Variants in SMYD2 observed in about 807,000 individuals in gnomAD.
The protein encoded by SMYD2 is SET and MYND domain containing 2, also known as N-lysine methyltransferase SMYD2.
A neutral mutation model predicts 59.1 loss-of-function variants in SMYD2; 53 were observed. The observed-to-expected ratio is 0.90, with a 90% CI of 0.72 to 1.13. The LOEUF is 1.13. SMYD2 is among the 50% of genes most tolerant of loss of function. The pLI is 0.00. For synonymous variants in SMYD2, 208 were observed against 198.8 expected, an observed-to-expected ratio of 1.05 and a Z score of -0.39; for missense variants, 494 against 544.7, an observed-to-expected ratio of 0.91 and a Z score of 0.93.
At chr1:214,331,618 G>A (rs1164175099) in intron 9 of SMYD2, 1 of 185,612 alleles carries the variant, frequency 5.4e-6, no homozygotes, top group East Asian at 1.4e-4. Context: ...ACTCTAAAGG[G>A]TAGAATTTAA....
chr1:214,320,497 G>T (rs1657156248), intron 5 of SMYD2, among the ~76,000 whole-genome samples: 1 of 152,184 alleles, frequency 6.6e-6, no homozygotes. Context: ...ACCATGGCGT[G>T]TGTCTGTAGT....
At chr1:214,317,761 A>G (rs1657108894) in intron 3 of SMYD2, among the ~76,000 whole-genome samples, 1 of 152,230 alleles carries the variant, frequency 6.6e-6, no homozygotes, top group South Asian at 2.1e-4. Context: ...GTTTGTCTGT[A>G]GACCCAGTCC....
intron 1 of SMYD2, among the ~76,000 whole-genome samples, chr1:214,283,076 G>C (rs1455892133): frequency 2.0e-5 from 3 of 152,180 alleles, no homozygotes; most frequent in Non-Finnish European, 4.4e-5. Context: ...GTAGTTGCCA[G>C]CCCTGGCCCC....
In SMYD2 at chr1:214,331,974, C is replaced by T. The variant is rs1167596788; in HGVS notation, c.938-44C>T. ...CTTGAACCCAGCCTGGGGAAGCCTC[C>T]AGGCAGCTTGGGCCCGGTGGCCCTT... On this transcript the variant is annotated intron_variant, in intron 9 of 11. Coordinates refer to ENST00000366957, the MANE Select transcript of SMYD2 (RefSeq NM_020197.3). 3.2e-6 allele frequency: 5 copies of T among 1,584,670 alleles called. No homozygotes were observed. The East Asian group carries it at 9.0e-5, about 28-fold the overall frequency.
At chr1:214,315,490 G>A (rs946129716) in intron 3 of SMYD2, among the ~76,000 whole-genome samples, 2 of 152,220 alleles carry the variant, frequency 1.3e-5, no homozygotes, top group African/African-American at 4.8e-5. Flanking sequence ...GTCATCAATG[G>A]CTTTCTCCAG....
intron 2 of SMYD2, 72 bp from the exon 3 acceptor site, chr1:214,314,690 G>A (rs566922802): frequency 4.3e-5 from 49 of 1,141,438 alleles, no homozygotes; most frequent in Non-Finnish European, 6.0e-5. Context: ...GGGACTCACT[G>A]CATCCTCTCC....
At position 214,318,086 on chromosome 1, in the gene SMYD2, A is replaced by G. The variant is rs768910866; in HGVS notation, c.356A>G (p.His119Arg). Residue 119 changes from histidine (H) to arginine (R), a missense_variant, in exon 4 of 12, where the codon CAC becomes CGC. His to Arg is a conservative substitution (Grantham distance 29). Coordinates refer to ENST00000366957, the MANE Select transcript of SMYD2 (RefSeq NM_020197.3). The surrounding 1 kb of genome is among the most constrained non-coding windows in gnomAD (Gnocchi z 5.4). ...TARILAKQKI[H>R]PERTPSEKLL... The stretch of plus-strand genomic sequence containing the variant: ...TTCTTCCCCAATTGCTAGAAAATCC[A>G]CCCAGAGAGAACACCTTCGGAAAAA... 1.2e-6 allele frequency: 2 copies of G among 1,613,684 alleles called. No individual in the cohort carries two copies. The highest frequency in any genetic ancestry group is 1.7e-5 in the Admixed American group (1 of 59,870).
At chr1:214,301,673 T>A (rs1240182821) in intron 1 of SMYD2, among the ~76,000 whole-genome samples, 2 of 151,426 alleles carry the variant, frequency 1.3e-5, no homozygotes, top group Admixed American at 1.3e-4. Flanking sequence ...GTTGTTTTCC[T>A]GGAAGTGACA....
At chr1:214,284,802 C>T (rs1008588254) in intron 1 of SMYD2, among the ~76,000 whole-genome samples, 1 of 152,188 alleles carries the variant, frequency 6.6e-6, no homozygotes, top group Non-Finnish European at 1.5e-5. Context: ...AGGCGTGAGC[C>T]ACCGTGCCTG....
At chr1:214,289,012 G>T (rs1454215282) in intron 1 of SMYD2, among the ~76,000 whole-genome samples, 1 of 147,962 alleles carries the variant, frequency 6.8e-6, no homozygotes, top group Non-Finnish European at 1.5e-5. Flanking sequence ...CTCTTGAGTT[G>T]TGGAAATGGA....
rs778302591 is a variant in SMYD2, at chr1:214,324,666, A to T, written c.560A>T (p.Glu187Val). ...GTTAACTGTAATGGCTTCACAATTG[A>T]AGATGAAGAACTTTCTCATTTGGGA... ...AQVNCNGFTI[E>V]DEELSHLGSA... Residue 187 changes from glutamate to valine, a missense_variant, in exon 6 of 12, where the codon GAA becomes GTA. Physicochemically the swap from Glu to Val is moderately radical, Grantham distance 121. Coordinates refer to ENST00000366957, the MANE Select transcript of SMYD2 (RefSeq NM_020197.3). The T allele has an allele frequency of 1.2e-6, 2 of 1,613,358 alleles. No individual in the cohort carries two copies.
chr1:214,292,437 C>T (rs1047370258), intron 1 of SMYD2, among the ~76,000 whole-genome samples: 4 of 152,144 alleles, frequency 2.6e-5, no homozygotes, highest in African/African-American at 7.2e-5. Flanking sequence ...TAGTTCCCTT[C>T]GTCTTTGCTC....
intron 1 of SMYD2, among the ~76,000 whole-genome samples, chr1:214,282,113 T>G (rs1195816376): frequency 6.6e-6 from 1 of 152,228 alleles, no homozygotes; most frequent in Non-Finnish European, 1.5e-5. Context: ...TAATGGTATT[T>G]AATTGTAAGA....
intron 2 of SMYD2, 103 bp downstream of exon 2, chr1:214,305,353 G>A: frequency 3.5e-6 from 4 of 1,147,914 alleles, no homozygotes; most frequent in Non-Finnish European, 5.2e-6. Flanking sequence ...GAGCTGGAAA[G>A]CATAGGATGT....
At chr1:214,304,418 G>A (rs964858588) in intron 1 of SMYD2, among the ~76,000 whole-genome samples, 2 of 151,896 alleles carry the variant, frequency 1.3e-5, no homozygotes, top group Admixed American at 1.3e-4. Context: ...AATTAGCCAG[G>A]CATGGTGGCA....
At chr1:214,334,170 G>A (rs1558059191) in intron 10 of SMYD2, 30 bp from the exon 11 acceptor site, 1 of 1,600,244 alleles carries the variant, frequency 6.2e-7, no homozygotes, top group African/African-American at 1.3e-5. Context: ...CCGCTGACAT[G>A]GTGGCCTGTT....
intron 1 of SMYD2, among the ~76,000 whole-genome samples, chr1:214,291,716 C>T (rs1364773304): frequency 5.9e-5 from 9 of 152,166 alleles, no homozygotes; most frequent in Non-Finnish European, 1.2e-4. Flanking sequence ...CACATCTTTC[C>T]AGTCCTACAA....
At chr1:214,330,919 A>C in intron 8 of SMYD2, 31 bp from the exon 9 acceptor site, 2 of 1,613,458 alleles carry the variant, frequency 1.2e-6, no homozygotes, top group Non-Finnish European at 1.7e-6. Context: ...CATGGGCGGT[A>C]ACGCCTTGCC....
intron 1 of SMYD2, among the ~76,000 whole-genome samples, chr1:214,282,383 G>C (rs529121074): frequency 6.6e-6 from 1 of 152,306 alleles, no homozygotes; most frequent in Non-Finnish European, 1.5e-5. Flanking sequence ...TTTCTCACTG[G>C]TTAGGTGCTC....
Sources: gnomAD v4.1 joint callset for allele counts (sites outside exome capture counted in the v4.1 genomes callset) on GRCh38, gnomAD v4.1.1 for gene constraint, Gnocchi (gnomAD v3.1) non-coding constraint, MANE v1.5 for transcripts, NCBI Gene and HGNC (gene_info 2026-07-23, HGNC 2026-07-21) for gene names.